The following EIF4E variants were observed in gnomAD, a reference collection of about 807,000 sequenced individuals.
EIF4E encodes eIF-4F 25 kDa subunit.
For missense variants in EIF4E, 113 were observed against 265.6 expected (o/e 0.43, Z 3.99); for synonymous variants, 71 against 88.5 (o/e 0.80, Z 1.11).
chr4:98,917,083 AACACACACACAC>A (rs751653561), intron 1 of EIF4E, among the ~76,000 whole-genome samples: 8 of 102,928 alleles, frequency 7.8e-5, no homozygotes, highest in South Asian at 6.5e-4. Flanking sequence ...ACCTTTTCTA[AACACACACACAC>A]ACACACACAC....
intron 1 of EIF4E, among the ~76,000 whole-genome samples, chr4:98,902,845 C>CAAACA (rs1167239287): frequency 1.3e-5 from 2 of 151,644 alleles, no homozygotes; most frequent in African/African-American, 2.4e-5. Flanking sequence ...GTCTCAAAAA[C>CAAACA]AAACAAAACA....
rs186147105 is a variant in EIF4E, at chr4:98,893,733, T to G, written c.126-2401A>C. Among the ~76,000 whole-genome samples the G allele has an allele frequency of 2.7e-3, 408 of 152,360 alleles. 2 individuals carry two copies. The highest frequency in any genetic ancestry group is 4.5e-3 in the Non-Finnish European group (303 of 68,022). On this transcript the variant is annotated intron_variant, in intron 2 of 6. Coordinates refer to ENST00000450253, the MANE Select transcript of EIF4E (RefSeq NM_001968.5). ...ACGCTTCAAAGTCATCAATACGGGT[T>G]GGAATCAAATTCTTCCTAACTCTTG... is the stretch of plus-strand genomic sequence containing the variant.
At chr4:98,918,928 G>A (rs934025993) in intron 1 of EIF4E, among the ~76,000 whole-genome samples, 3 of 152,142 alleles carry the variant, frequency 2.0e-5, no homozygotes, top group African/African-American at 7.2e-5. Flanking sequence ...CCTGGATAGG[G>A]ATCAGCTTCA....
At chr4:98,906,999 G>A (rs1724898609) in intron 1 of EIF4E, among the ~76,000 whole-genome samples, 1 of 152,106 alleles carries the variant, frequency 6.6e-6, no homozygotes, top group Non-Finnish European at 1.5e-5. Flanking sequence ...TGCAAAATAA[G>A]GGTTGCTTTT....
intron 1 of EIF4E, among the ~76,000 whole-genome samples, chr4:98,910,961 T>G (rs537610011): frequency 6.6e-6 from 1 of 152,142 alleles, no homozygotes; most frequent in Admixed American, 6.5e-5. Flanking sequence ...GAACTCCTCC[T>G]GACCTCAAGT....
intron 1 of EIF4E, among the ~76,000 whole-genome samples, chr4:98,904,246 G>A (rs978844996): frequency 6.6e-6 from 1 of 152,162 alleles, no homozygotes; most frequent in East Asian, 1.9e-4. Flanking sequence ...GACTGCTTGA[G>A]TCCAGGAGTT....
At chr4:98,892,875 T>C (rs1724213973) in intron 2 of EIF4E, among the ~76,000 whole-genome samples, 1 of 152,182 alleles carries the variant, frequency 6.6e-6, no homozygotes, top group South Asian at 2.1e-4. Flanking sequence ...AAATAATGTA[T>C]ACCAGTTTTA....
intron 1 of EIF4E, among the ~76,000 whole-genome samples, chr4:98,913,207 CA>C (rs140208198): frequency 0.22 from 28,578 of 131,564 alleles, 3,481 homozygotes; most frequent in Non-Finnish European, 0.31. Flanking sequence ...GACTCCATCT[CA>C]AAAAAAAAAA....
chr4:98,913,928 G>C (rs1354269103), intron 1 of EIF4E, among the ~76,000 whole-genome samples: 1 of 151,940 alleles, frequency 6.6e-6, no homozygotes, highest in East Asian at 1.9e-4. Flanking sequence ...TCTATCAACA[G>C]ATATAACCAA....
At chr4:98,927,558 A>C (rs1041762940) in intron 1 of EIF4E, among the ~76,000 whole-genome samples, 2 of 147,040 alleles carry the variant, frequency 1.4e-5, no homozygotes, top group Non-Finnish European at 3.0e-5. Context: ...CAAGAGGCTG[A>C]AGCAGGAGAA....
At chr4:98,902,424 C>A (rs191210072) in intron 1 of EIF4E, among the ~76,000 whole-genome samples, 1 of 152,206 alleles carries the variant, frequency 6.6e-6, no homozygotes, top group East Asian at 1.9e-4. Context: ...ATAAAACAGA[C>A]CACAGACCAA....
intron 6 of EIF4E, among the ~76,000 whole-genome samples, chr4:98,884,691 G>C (rs1375330368): frequency 1.3e-5 from 2 of 152,070 alleles, no homozygotes; most frequent in African/African-American, 4.8e-5. Flanking sequence ...CTGGACAACA[G>C]AGTGAGACTC....
intron 3 of EIF4E, 136 bp from the exon 4 acceptor site, chr4:98,888,088 A>G (rs918390871): frequency 1.1e-5 from 8 of 746,384 alleles, no homozygotes; most frequent in African/African-American, 1.8e-5. Context: ...TAAGGAGTCA[A>G]TTTCTAAAAT....
chr4:98,920,823 C>A (rs1725614594), intron 1 of EIF4E, among the ~76,000 whole-genome samples: 1 of 151,986 alleles, frequency 6.6e-6, no homozygotes, highest in Non-Finnish European at 1.5e-5. Flanking sequence ...ATCCATAAAC[C>A]ATCTGGCATA....
chr4:98,888,193 T>C (rs1367354959), intron 3 of EIF4E, among the ~76,000 whole-genome samples: 1 of 152,176 alleles, frequency 6.6e-6, no homozygotes, highest in Admixed American at 6.5e-5. Context: ...GACAAAAATA[T>C]ATTTTATGTT....
intron 1 of EIF4E, 156 bp downstream of exon 1, chr4:98,928,939 T>G (rs775198943): frequency 1.9e-6 from 3 of 1,576,480 alleles, no homozygotes; most frequent in Non-Finnish European, 2.6e-6. Context: ...CTCCGGGACG[T>G]CCCCACTTGT....
intron 6 of EIF4E, 53 bp from the exon 7 acceptor site, chr4:98,881,195 C>G (rs1723678802): frequency 8.2e-6 from 13 of 1,580,124 alleles, no homozygotes; most frequent in Non-Finnish European, 1.1e-5. Context: ...CTTTTACTCA[C>G]AAGAAATACA....
intron 2 of EIF4E, among the ~76,000 whole-genome samples, chr4:98,899,725 A>C (rs1482588048): frequency 6.6e-6 from 1 of 152,190 alleles, no homozygotes. Context: ...TAAAATATGC[A>C]CATACAAACA....
intron 1 of EIF4E, among the ~76,000 whole-genome samples, chr4:98,903,035 T>G (rs778923347): frequency 9.2e-5 from 14 of 152,182 alleles, no homozygotes; most frequent in Non-Finnish European, 2.1e-4. Flanking sequence ...TCTTTTAGGC[T>G]AGACAAAATT....
Sources: allele counts gnomAD v4.1 joint callset (sites outside exome capture counted in the v4.1 genomes callset), GRCh38; gene constraint gnomAD v4.1.1; transcripts MANE v1.5; gene names NCBI Gene and HGNC (gene_info 2026-07-23, HGNC 2026-07-21).